Variants in SYNE1 observed in about 807,000 individuals in gnomAD.
SYNE1 encodes the protein spectrin repeat containing nuclear envelope protein 1, also known as nesprin-1.
In SYNE1, 616 loss-of-function variants were observed where a neutral mutation model predicts 1,111.0. The ratio of observed to expected loss-of-function variants is 0.55; its 90% CI spans 0.52 to 0.59. SYNE1 has a LOEUF of 0.59. Ranked by LOEUF, SYNE1 falls within the 20% of genes least tolerant of loss-of-function variation. SYNE1 has a pLI of 0.00. For synonymous variants in SYNE1, 3,855 were observed against 3,825.8 expected (o/e 1.01, Z -0.28); for missense variants, 10,006 against 10,417.0 (o/e 0.96, Z 1.72).
At chr6:152,159,098 C>T (rs564343271) in intron 131 of SYNE1, among the ~76,000 whole-genome samples, 62 of 152,218 alleles carry the variant, frequency 4.1e-4, no homozygotes, top group Non-Finnish European at 7.6e-4. Context: ...ACTACAGGCG[C>T]GCACCACCAT....
chr6:152,476,818 A>G (rs549852806), intron 14 of SYNE1, among the ~76,000 whole-genome samples: 83 of 151,760 alleles, frequency 5.5e-4, no homozygotes, highest in Non-Finnish European at 9.4e-4. Flanking sequence ...GCAGTGAGCC[A>G]TGACCACACC....
intron 11 of SYNE1, among the ~76,000 whole-genome samples, chr6:152,494,527 A>T (rs1032501315): frequency 6.6e-6 from 1 of 152,086 alleles, no homozygotes; most frequent in African/African-American, 2.4e-5. Flanking sequence ...TATCTTCCAC[A>T]TCTATCATTC....
At position 152,381,304 on chromosome 6, in the gene SYNE1, G is replaced by A. The variant is rs745348965; in HGVS notation, c.8711C>T (p.Ala2904Val). The A allele has an allele frequency of 6.2e-7, 1 of 1,614,112 alleles. No homozygotes were observed. Among genetic ancestry groups the A allele is most frequent in the Non-Finnish European group, 8.5e-7 (1 of 1,180,032 alleles). ...AGTTGTGTTCTGTTTCACTTCGGGA[G>A]CCAGCGACTCCACTCTGCTGAGACG... is the stretch of plus-strand genomic sequence containing the variant. ...ASRLSRVESL[A>V]PEVKQNTTAS... Residue 2904 changes from alanine to valine, a missense_variant, in exon 56 of 146, where the codon GCT becomes GTT. Transcript: ENST00000367255.
intron 95 of SYNE1, among the ~76,000 whole-genome samples, chr6:152,287,226 C>T (rs150052615): frequency 0.013 from 1,927 of 152,160 alleles, 21 homozygotes; most frequent in Non-Finnish European, 0.02. Flanking sequence ...CTACAAACCA[C>T]ATAAACTTAA....
intron 74 of SYNE1, 124 bp from the exon 75 acceptor site, chr6:152,339,490 A>G: frequency 1.4e-6 from 2 of 1,382,424 alleles, no homozygotes; most frequent in Non-Finnish European, 9.9e-7. Context: ...TGTTTTCACC[A>G]TTGTGTTCAA....
chr6:152,598,663 A>C (rs896232219), intron 3 of SYNE1, among the ~76,000 whole-genome samples: 3 of 152,198 alleles, frequency 2.0e-5, no homozygotes, highest in Non-Finnish European at 4.4e-5. Flanking sequence ...TGTAGAGTGC[A>C]AGAAGGGACA....
chr6:152,215,146 A>G, intron 121 of SYNE1, 86 bp from the exon 122 acceptor site: 1 of 1,491,326 alleles, frequency 6.7e-7, no homozygotes, highest in South Asian at 1.1e-5. Flanking sequence ...TTCTGATTTC[A>G]GGAAGTAGCT....
At chr6:152,306,717 C>CAA (rs71556249) in intron 91 of SYNE1, among the ~76,000 whole-genome samples, 55 of 139,754 alleles carry the variant, frequency 3.9e-4, no homozygotes, top group South Asian at 6.8e-4. Flanking sequence ...CTCTACTCTA[C>CAA]AAAAAAAAAA....
chr6:152,231,900 T>C (rs1457029470), intron 113 of SYNE1, among the ~76,000 whole-genome samples: 1 of 152,096 alleles, frequency 6.6e-6, no homozygotes, highest in Non-Finnish European at 1.5e-5. Flanking sequence ...TGTAATTCTT[T>C]AATAACACAA....
At chr6:152,589,893 A>T (rs1252123675) in intron 3 of SYNE1, among the ~76,000 whole-genome samples, 1 of 150,856 alleles carries the variant, frequency 6.6e-6, no homozygotes, top group East Asian at 1.9e-4. Context: ...TACTTCACTC[A>T]GCAGAGGAAC....
At chr6:152,176,689 T>A in intron 129 of SYNE1, 129 bp from the exon 130 acceptor site, 1 of 912,734 alleles carries the variant, frequency 1.1e-6, no homozygotes, top group Non-Finnish European at 1.8e-6. Context: ...GAATACCATG[T>A]GGATATCAGC....
At chr6:152,636,062 T>C (rs568575536) in intron 2 of SYNE1, among the ~76,000 whole-genome samples, 1 of 152,276 alleles carries the variant, frequency 6.6e-6, no homozygotes, top group African/African-American at 2.4e-5. Context: ...TCTCTCTATG[T>C]GAAACGTATC....
intron 56 of SYNE1, among the ~76,000 whole-genome samples, chr6:152,378,526 C>T (rs891662960): frequency 3.3e-5 from 5 of 152,156 alleles, no homozygotes; most frequent in African/African-American, 1.2e-4. Flanking sequence ...TGCCTCTGCA[C>T]GTTGACTTTC....
intron 138 of SYNE1, among the ~76,000 whole-genome samples, chr6:152,143,141 G>A (rs558580863): frequency 6.6e-6 from 1 of 152,110 alleles, no homozygotes; most frequent in African/African-American, 2.4e-5. Context: ...AATCCCTCTT[G>A]CTAGAACTGT....
chr6:152,548,591 A>G (rs2695261), intron 3 of SYNE1, among the ~76,000 whole-genome samples: 26,984 of 152,156 alleles, frequency 0.18, 2,612 homozygotes, highest in Middle Eastern at 0.32. Flanking sequence ...CTCTATCTGG[A>G]CAAGATGCAA....
At chr6:152,505,698 C>T (rs2099054308) in intron 8 of SYNE1, among the ~76,000 whole-genome samples, 1 of 152,192 alleles carries the variant, frequency 6.6e-6, no homozygotes, top group South Asian at 2.1e-4. Context: ...TCCGCTCTAC[C>T]AGCTGAGCTA....
Position 152,302,219 on chromosome 6 carries a change from C to T in SYNE1, c.17347-156G>A, listed in dbSNP as rs1362310235. The T allele has an allele frequency of 5.1e-6, 5 of 984,128 alleles. No individual in the cohort carries two copies. In the South Asian group the frequency reaches 6.9e-5, roughly 14 times the overall value. The allele number at this position is 984,128 out of a possible 1,614,324, so 61.0% of individuals were successfully genotyped here. On this transcript the variant is annotated intron_variant, in intron 91 of 145. Transcript: ENST00000367255. ...AGGCGGCGAGTCCTCCTGCATCTCGCTACCGAGCCAGACCGCAGGCTGCGC... is the reference window on the plus strand; with the variant it reads ...AGGCGGCGAGTCCTCCTGCATCTCGTTACCGAGCCAGACCGCAGGCTGCGC...
intron 37 of SYNE1, 73 bp from the exon 38 acceptor site, chr6:152,427,889 G>T: frequency 6.2e-7 from 1 of 1,603,484 alleles, no homozygotes; most frequent in Non-Finnish European, 8.5e-7. Context: ...TTGTGAAGTT[G>T]GAGGGTCCAA....
intron 107 of SYNE1, among the ~76,000 whole-genome samples, chr6:152,241,536 C>G (rs376773092): frequency 1.3e-4 from 1 of 7,804 alleles, no homozygotes; most frequent in Non-Finnish European, 2.7e-4. Context: ...GTGTGAAATA[C>G]GCATTCTTCT....
Sources: gnomAD v4.1 joint callset for allele counts (sites outside exome capture counted in the v4.1 genomes callset) on GRCh38, gnomAD v4.1.1 for gene constraint, MANE v1.5 for transcripts, NCBI Gene and HGNC (gene_info 2026-07-23, HGNC 2026-07-21) for gene names.